The following TMPRSS13 variants were observed in gnomAD, a reference collection of about 807,000 sequenced individuals.
TMPRSS13 encodes the protein transmembrane serine protease 13.
TMPRSS13 carries 50 observed loss-of-function variants against 68.4 expected under a neutral mutation model. The observed-to-expected ratio is 0.73, with a 90% CI of 0.58 to 0.93. TMPRSS13 has a LOEUF of 0.93. Among genes scored for constraint, TMPRSS13 ranks in the 40% least tolerant of loss-of-function variants. The pLI is 0.00. For synonymous variants in TMPRSS13, 267 were observed against 285.8 expected (o/e 0.93, Z 0.66); for missense variants, 615 against 729.2 (o/e 0.84, Z 1.80).
rs147306264 is a variant in TMPRSS13 at position 117,919,790 on chromosome 11, G to A, written c.22-952C>T. Among the ~76,000 whole-genome samples, 114 of 152,370 alleles carry A rather than the reference G, an allele frequency of 7.5e-4. 1 individual carries two copies. The highest frequency in any genetic ancestry group is 1.4e-3 in the Non-Finnish European group (94 of 68,034). ...AAAGCCAAGGCTCAGAGCTCATCTT[G>A]CAGAATCACAGAGTCAGGGTTCTAC... On this transcript the variant is annotated intron_variant, in intron 1 of 12. Coordinates refer to ENST00000524993, the MANE Select transcript of TMPRSS13 (RefSeq NM_001077263.3).
Position 117,918,798 on chromosome 11 carries a change from G to A in TMPRSS13, c.62C>T (p.Pro21Leu). The A allele has an allele frequency of 6.2e-7, 1 of 1,613,890 alleles. No homozygotes were observed. The highest frequency in any genetic ancestry group is 1.1e-5 in the South Asian group (1 of 91,078). Residue 21 changes from proline to leucine, a missense_variant, in exon 2 of 13, where the codon CCA becomes CTA. Pro to Leu is a moderately conservative substitution (Grantham distance 98, BLOSUM62 -3). Transcript: ENST00000524993. ...TGTCCCAGCTGGAGATGCCTGGGCT[G>A]GAGATGCTCCAGCTGAAGGTGTTCT... ...PARTPSAGAS[P>L]AQASPAGTPP...
At chr11:117,910,139 C>T (rs765987973) in intron 7 of TMPRSS13, among the ~76,000 whole-genome samples, 171 bp from the exon 8 acceptor site, 3 of 152,226 alleles carry the variant, frequency 2.0e-5, no homozygotes, top group Non-Finnish European at 4.4e-5. Context: ...ATCTGCTACA[C>T]ACAGCAGTTT....
intron 5 of TMPRSS13, among the ~76,000 whole-genome samples, chr11:117,912,781 G>A (rs1043807871): frequency 1.3e-5 from 2 of 152,194 alleles, no homozygotes; most frequent in African/African-American, 4.8e-5. Context: ...CACACTAGAG[G>A]TCCTTCAAGG....
intron 1 of TMPRSS13, 62 bp from the exon 2 acceptor site, chr11:117,918,900 G>C: frequency 1.3e-6 from 2 of 1,597,370 alleles, no homozygotes; most frequent in Non-Finnish European, 8.5e-7. Context: ...CCAGCTGTCA[G>C]CTGTGCTGCA....
At chr11:117,904,618 C>G (rs528308288) in intron 10 of TMPRSS13, among the ~76,000 whole-genome samples, 1 of 152,050 alleles carries the variant, frequency 6.6e-6, no homozygotes, top group Non-Finnish European at 1.5e-5. Context: ...GAGGGAAAAG[C>G]GGTCCTGATG....
At chr11:117,923,014 G>C (rs1037809823) in intron 1 of TMPRSS13, among the ~76,000 whole-genome samples, 5 of 152,224 alleles carry the variant, frequency 3.3e-5, no homozygotes, top group Admixed American at 2.6e-4. Context: ...GCAGGGGTCC[G>C]CAGGAAAGCG....
At position 117,903,986 on chromosome 11, in the gene TMPRSS13, G is replaced by T. The variant is rs559212987; in HGVS notation, c.1497C>A (p.Asp499Glu). ...GGCAGGAGTCTCTGCCCCCACGAAG[G>T]TCCCCAGCACACATCATCCTTGGGG... is the stretch of plus-strand genomic sequence containing the variant. ...YLTPRMMCAG[D>E]LRGGRDSCQG... Residue 499 changes from aspartate to glutamate, a missense_variant, in exon 11 of 13, where the codon GAC becomes GAA. Asp to Glu is a conservative substitution (Grantham distance 45). Transcript: ENST00000524993. 1.2e-6 allele frequency: 2 copies of T among 1,613,030 alleles called. No homozygotes were observed. Among genetic ancestry groups the T allele is most frequent in the Admixed American group, 1.7e-5 (1 of 59,890 alleles).
At chr11:117,902,395 G>C (rs494457) in intron 12 of TMPRSS13, 130 bp from the exon 13 acceptor site, 946,308 of 963,584 alleles carry the variant, frequency 0.98, 465,089 homozygotes, top group Non-Finnish European at 1. Flanking sequence ...CAAGGAGGGA[G>C]AGCAAAGGGA....
rs1302109647 is a variant in TMPRSS13, at chr11:117,903,691, C to T, written c.1641G>A (p.Val547=). 3.7e-6 allele frequency: 6 copies of T among 1,614,042 alleles called. No individual in the cohort carries two copies. The highest frequency in any genetic ancestry group is 4.2e-6 in the Non-Finnish European group (5 of 1,180,018). The part of the protein sequence containing the change: ...QRNKPGVYTK[V]TEVLPWIYSK... ...TGTAAATCCAGGGAAGAACTTCTGT[C>T]ACTTTGGTGTACACACCAGGTTTGT... is the stretch of plus-strand genomic sequence containing the variant. Residue 547 remains valine (V), a synonymous_variant, in exon 12 of 13, where the codon GTG becomes GTA. Transcript: ENST00000524993.
chr11:117,925,578 G>A (rs2134931297), intron 1 of TMPRSS13, among the ~76,000 whole-genome samples: 1 of 152,026 alleles, frequency 6.6e-6, no homozygotes, highest in African/African-American at 2.4e-5. Context: ...GTACATAATG[G>A]GGGCCCCTCT....
At chr11:117,908,161 T>A in intron 9 of TMPRSS13, 2 of 735,742 alleles carry the variant, frequency 2.7e-6, no homozygotes, top group Non-Finnish European at 3.6e-6. Flanking sequence ...CTATTACTTG[T>A]GGCCTCAGGT....
chr11:117,909,536 C>T (rs1337153060), intron 8 of TMPRSS13, among the ~76,000 whole-genome samples: 2 of 152,238 alleles, frequency 1.3e-5, no homozygotes, highest in Non-Finnish European at 2.9e-5. Flanking sequence ...TCTTCAGGGG[C>T]AGGCTCCCAG....
chr11:117,929,288 C>A lies in TMPRSS13; in HGVS notation c.20G>T (p.Gly7Val). MERDSH[G>V]NASPARTPSA... ...CCCGAGGCCTGAGGTCACACTCACC[C>A]CGTGGCTGTCCCTCTCCATGGTCTC... Residue 7 changes from glycine (G) to valine (V), a missense_variant and splice_region_variant, in exon 1 of 13, where the codon GGG becomes GTG. Coordinates refer to ENST00000524993, the MANE Select transcript of TMPRSS13 (RefSeq NM_001077263.3). 1 of 1,605,698 alleles carries A rather than the reference C, an allele frequency of 6.2e-7. No homozygotes were observed. The highest frequency in any genetic ancestry group is 1.3e-5 in the African/African-American group (1 of 74,652).
chr11:117,921,706 G>C (rs2057650558), intron 1 of TMPRSS13, among the ~76,000 whole-genome samples: 5 of 152,168 alleles, frequency 3.3e-5, no homozygotes, highest in Admixed American at 3.3e-4. Flanking sequence ...TGGGTCTGGG[G>C]GTATCTAGCT....
chr11:117,928,341 G>T (rs1240514355), intron 1 of TMPRSS13, among the ~76,000 whole-genome samples: 1 of 152,166 alleles, frequency 6.6e-6, no homozygotes, highest in Non-Finnish European at 1.5e-5. Context: ...CTGGAAGAAT[G>T]GTGGGAAAAA....
Position 117,908,306 on chromosome 11 carries a change from G to A in TMPRSS13, c.1282+306C>T, listed in dbSNP as rs954040678. On this transcript the variant is annotated intron_variant, in intron 9 of 12. Transcript: ENST00000524993. ...GCCTACCATAGCGTTTGGCCCCTAG[G>A]TGCTCAGTTAATACCAGTGAAAGAA... is the stretch of plus-strand genomic sequence containing the variant. 1.8e-5 allele frequency: 10 copies of A among 563,110 alleles called. No individual in the cohort carries two copies. The Admixed American group carries it at 2.8e-4, about 16-fold the overall frequency. 34.9% of individuals were successfully genotyped at this position (563,110 alleles called of 1,614,324 possible). A position where few individuals can be genotyped will look rare whatever the true frequency, so the allele number is the denominator to read the frequency against.
chr11:117,919,244 T>C (rs1337373617), intron 1 of TMPRSS13, among the ~76,000 whole-genome samples: 1 of 152,252 alleles, frequency 6.6e-6, no homozygotes, highest in Non-Finnish European at 1.5e-5. Flanking sequence ...CCTTCTGCCC[T>C]CTTCCCTTCC....
intron 10 of TMPRSS13, among the ~76,000 whole-genome samples, chr11:117,904,967 C>A (rs2057449395): frequency 6.7e-6 from 1 of 148,214 alleles, no homozygotes; most frequent in East Asian, 2.0e-4. Flanking sequence ...GATCATGGCT[C>A]ACTGTAGCCT....
chr11:117,908,917 G>A (rs1316594341), intron 8 of TMPRSS13, 133 bp from the exon 9 acceptor site: 2 of 854,122 alleles, frequency 2.3e-6, no homozygotes, highest in African/African-American at 1.7e-5. Flanking sequence ...ACCTCTGGAG[G>A]GAACCCTCTA....
Sources: allele counts gnomAD v4.1 joint callset (sites outside exome capture counted in the v4.1 genomes callset), GRCh38; gene constraint gnomAD v4.1.1; transcripts MANE v1.5; gene names NCBI Gene and HGNC (gene_info 2026-07-23, HGNC 2026-07-21).